The following QTGAL variants were observed in gnomAD, a reference collection of about 807,000 sequenced individuals.
QTGAL encodes the protein queuosine-tRNA galactosyltransferase, also known as BGnT-like protein 1.
chr17:82,964,458 A>G, the QTGAL span, among the ~76,000 whole-genome samples: 1 of 152,208 alleles, frequency 6.6e-6, no homozygotes, highest in Non-Finnish European at 1.5e-5. Context: ...TTTAAAACAC[A>G]AAAAACAATA....
the QTGAL span, among the ~76,000 whole-genome samples, chr17:82,963,219 C>T: frequency 7.9e-5 from 12 of 152,146 alleles, no homozygotes; most frequent in Admixed American, 3.9e-4. Flanking sequence ...CCAGGAAGGC[C>T]GGGCCAGAGG....
the QTGAL span, chr17:83,014,536 A>ACTTT: frequency 6.2e-7 from 1 of 1,613,656 alleles, no homozygotes. Flanking sequence ...TAAAGAACAC[A>ACTTT]CTTTCCGTTT....
chr17:82,998,448 C>A, the QTGAL span, among the ~76,000 whole-genome samples: 5 of 152,178 alleles, frequency 3.3e-5, no homozygotes, highest in African/African-American at 1.2e-4. Flanking sequence ...CGGGTTCATG[C>A]CATTCTCCTG....
At chr17:82,983,650 C>T in the QTGAL span, among the ~76,000 whole-genome samples, 2 of 152,172 alleles carry the variant, frequency 1.3e-5, no homozygotes, top group African/African-American at 2.4e-5. Flanking sequence ...ACAGGATGGG[C>T]GCCGCCAGGA....
chr17:82,970,646 GGTGTGGCCGCGACCTCCGCACCC>G, the QTGAL span, among the ~76,000 whole-genome samples: 1 of 41,300 alleles, frequency 2.4e-5, no homozygotes, highest in Non-Finnish European at 4.5e-5. Context: ...CTCCGCACCC[GGTGTGGCCGCGACCTCCGCACCC>G]AGCGTGGCCG....
the QTGAL span, among the ~76,000 whole-genome samples, chr17:82,962,542 C>T: frequency 1.6e-4 from 21 of 128,678 alleles, 1 homozygote; most frequent in African/African-American, 4.5e-4. Flanking sequence ...CTGGTGGACA[C>T]GGACCCTCAC....
At chr17:82,992,953 A>C in the QTGAL span, among the ~76,000 whole-genome samples, 2 of 152,176 alleles carry the variant, frequency 1.3e-5, no homozygotes, top group Non-Finnish European at 2.9e-5. Flanking sequence ...ACCTCAAATA[A>C]AAAATATACA....
chr17:83,007,241 A>G, the QTGAL span: 1 of 985,228 alleles, frequency 1.0e-6, no homozygotes, highest in Non-Finnish European at 1.2e-6. Context: ...ACATGCTAAA[A>G]ATAGTTGTGA....
the QTGAL span, among the ~76,000 whole-genome samples, chr17:82,988,189 T>C: frequency 6.6e-6 from 1 of 152,162 alleles, no homozygotes; most frequent in African/African-American, 2.4e-5. Flanking sequence ...GATGAAGTTT[T>C]CTAAATATAG....
chr17:83,012,899 T>C, the QTGAL span, among the ~76,000 whole-genome samples: 2 of 151,718 alleles, frequency 1.3e-5, no homozygotes, highest in Admixed American at 1.3e-4. Context: ...AAATCACCCC[T>C]AATCCCTAGA....
At chr17:83,051,721 C>T in the QTGAL span, 3 of 1,482,392 alleles carry the variant, frequency 2.0e-6, no homozygotes, top group Non-Finnish European at 2.7e-6. Flanking sequence ...GGGGCACCCT[C>T]CCCGCTGGCA....
At chr17:82,963,814 G>A in the QTGAL span, among the ~76,000 whole-genome samples, 1 of 152,024 alleles carries the variant, frequency 6.6e-6, no homozygotes, top group East Asian at 1.9e-4. Context: ...GATGGTAGTG[G>A]TGACTGGTGA....
chr17:83,000,368 C>T, the QTGAL span, among the ~76,000 whole-genome samples: 3 of 152,174 alleles, frequency 2.0e-5, no homozygotes, highest in Non-Finnish European at 4.4e-5. Context: ...CACCTGAGCT[C>T]GCGGCTGTGC....
At chr17:82,957,024 G>A in the QTGAL span, among the ~76,000 whole-genome samples, 1 of 152,226 alleles carries the variant, frequency 6.6e-6, no homozygotes, top group African/African-American at 2.4e-5. Context: ...GGACAGCGGG[G>A]TTCTCCCCCC....
the QTGAL span, among the ~76,000 whole-genome samples, chr17:83,000,302 G>C: frequency 7.2e-5 from 11 of 152,290 alleles, no homozygotes; most frequent in East Asian, 2.1e-3. Context: ...TTACTGGAGG[G>C]AGGAGCTGTG....
chr17:82,952,095 G>A, the QTGAL span, among the ~76,000 whole-genome samples: 3 of 152,216 alleles, frequency 2.0e-5, no homozygotes, highest in Non-Finnish European at 2.9e-5. Flanking sequence ...AATGAGGTGC[G>A]CCAGTAGTTG....
the QTGAL span, among the ~76,000 whole-genome samples, chr17:82,946,468 A>G: frequency 1.3e-5 from 2 of 152,046 alleles, no homozygotes; most frequent in African/African-American, 4.8e-5. Flanking sequence ...TTGATCACCT[A>G]CTACCATAGT....
At chr17:82,996,708 G>T in the QTGAL span, among the ~76,000 whole-genome samples, 1 of 152,106 alleles carries the variant, frequency 6.6e-6, no homozygotes, top group African/African-American at 2.4e-5. Context: ...ACATAGATCC[G>T]TGGAACAGAA....
the QTGAL span, among the ~76,000 whole-genome samples, chr17:82,991,288 C>T: frequency 6.6e-6 from 1 of 152,076 alleles, no homozygotes; most frequent in East Asian, 1.9e-4. Flanking sequence ...AATTGTACTC[C>T]CATAATTCCC....
Sources: allele counts gnomAD v4.1 joint callset (sites outside exome capture counted in the v4.1 genomes callset), GRCh38; gene constraint gnomAD v4.1.1; transcripts MANE v1.5; gene names NCBI Gene and HGNC (gene_info 2026-07-23, HGNC 2026-07-21).